The following SI variants were observed in gnomAD, a reference collection of about 807,000 sequenced individuals.
The protein encoded by SI is sucrase-isomaltase.
A neutral mutation model predicts 253.3 loss-of-function variants in SI; 235 were observed. The ratio of observed to expected loss-of-function variants is 0.93; its 90% CI spans 0.83 to 1.03. The LOEUF (loss-of-function observed/expected upper bound fraction) is 1.03, where lower values mean the gene tolerates loss of function less well. Ranked by LOEUF, SI falls within the 50% of genes least tolerant of loss-of-function variation. The pLI is 0.00. For missense variants in SI, 2,442 were observed against 2,211.1 expected, an observed-to-expected ratio of 1.10 and a Z score of -2.09; for synonymous variants, 819 against 712.0, an observed-to-expected ratio of 1.15 and a Z score of -2.39.
intron 40 of SI, among the ~76,000 whole-genome samples, chr3:164,995,874 A>C (rs994546426): frequency 4.0e-5 from 6 of 151,752 alleles, no homozygotes; most frequent in Non-Finnish European, 7.4e-5. Flanking sequence ...TTGAGCAAGG[A>C]CTTCGTAAAT....
intron 43 of SI, 139 bp from the exon 44 acceptor site, chr3:164,991,616 T>G: frequency 1.1e-6 from 1 of 933,968 alleles, no homozygotes; most frequent in South Asian, 1.5e-5. Flanking sequence ...CAGAAAATCT[T>G]AATTTGTTTC....
chr3:165,033,368 A>G (rs1323685661), intron 23 of SI, 27 bp downstream of exon 23: 2 of 1,534,152 alleles, frequency 1.3e-6, no homozygotes, highest in South Asian at 2.6e-5. Flanking sequence ...TTATGCATTT[A>G]AGTATATGTA....
intron 40 of SI, 24 bp from the exon 41 acceptor site, chr3:164,994,429 G>A: frequency 6.2e-7 from 1 of 1,607,568 alleles, no homozygotes; most frequent in Non-Finnish European, 8.5e-7. Context: ...AAATAACATA[G>A]TTATAAGCTT....
chr3:165,083,736 T>A, the SI span, among the ~76,000 whole-genome samples: 55 of 152,170 alleles, frequency 3.6e-4, 1 homozygote, highest in South Asian at 0.011. Flanking sequence ...ATCTATTACC[T>A]TCTTTGGCCT....
chr3:165,031,007 C>A, intron 24 of SI, 140 bp from the exon 25 acceptor site: 1 of 1,204,162 alleles, frequency 8.3e-7, no homozygotes, highest in Non-Finnish European at 1.1e-6. Context: ...GGCAATTCTT[C>A]AAATTAAATC....
intron 37 of SI, among the ~76,000 whole-genome samples, chr3:164,999,045 C>T (rs2108140135): frequency 6.6e-6 from 1 of 151,838 alleles, no homozygotes; most frequent in East Asian, 1.9e-4. Flanking sequence ...TTCATTGCCC[C>T]AACGCCTCTC....
At chr3:165,038,545 TA>T (rs1358023798) in intron 20 of SI, among the ~76,000 whole-genome samples, 22 of 95,988 alleles carry the variant, frequency 2.3e-4, no homozygotes, top group Non-Finnish European at 4.1e-4. Flanking sequence ...CCATCTCTAC[TA>T]AAAAAAAATT....
At position 165,021,375 on chromosome 3, in the gene SI, A is replaced by T; in HGVS notation, c.3108T>A (p.Asp1036Glu). 6.2e-7 allele frequency: 1 copy of T among 1,609,766 alleles called. No individual in the cohort carries two copies. Among genetic ancestry groups the T allele is most frequent in the Non-Finnish European group, 8.5e-7 (1 of 1,176,858 alleles). Residue 1036 changes from aspartate (D) to glutamate (E), a missense_variant, in exon 27 of 48, where the codon GAT becomes GAA. Asp to Glu is a conservative substitution (Grantham distance 45). Transcript: ENST00000264382. Reference sequence around the variant, plus strand: ...GTACTTCATATCTCTTCTTTTGGGGATCATAAATCTATTGCAGATAAGTAG... The same window carrying T: ...GTACTTCATATCTCTTCTTTTGGGGTTCATAAATCTATTGCAGATAAGTAG... ...KNDMLQFKIY[D>E]PQKKRYEVPV...
At chr3:165,053,135 A>T (rs896189649) in intron 13 of SI, among the ~76,000 whole-genome samples, 18 of 151,800 alleles carry the variant, frequency 1.2e-4, no homozygotes, top group Admixed American at 3.9e-4. Context: ...TAAGTACAGT[A>T]GGCTTTTGTT....
At chr3:164,999,274 A>G (rs950006623) in intron 37 of SI, among the ~76,000 whole-genome samples, 4 of 151,710 alleles carry the variant, frequency 2.6e-5, no homozygotes, top group Admixed American at 2.0e-4. Context: ...TTCCCTTCTC[A>G]GTCTTTGGAG....
Position 165,065,362 on chromosome 3 carries a change from C to G in SI, c.706G>C (p.Asp236His). The G allele has an allele frequency of 6.3e-7, 1 of 1,593,654 alleles. No homozygotes were observed. The highest frequency in any genetic ancestry group is 8.6e-7 in the Non-Finnish European group (1 of 1,163,826). ...YLQISTRLPS[D>H]YIYGIGEQVH... is the part of the protein sequence containing the mutation. ...TGTTCTCCAATACCATAAATATAAT[C>G]ACTTGGAAGACGGGTTGAGATCTGT... The change falls in exon 7 of 48, where the codon GAT becomes CAT. Residue 236 changes from aspartate to histidine, a missense_variant. Coordinates refer to ENST00000264382, the MANE Select transcript of SI (RefSeq NM_001041.4).
rs1007596882 is a variant in SI, at chr3:165,056,191, T to C, written c.1399-884A>G. Among the ~76,000 whole-genome samples, 6 of 152,272 alleles carry C rather than the reference T, an allele frequency of 3.9e-5. No homozygotes were observed. In the South Asian group the frequency reaches 1.2e-3, roughly 32 times the overall value. Reference sequence around the variant, plus strand: ...CTGTCCATAAGGAACAAAGCTGGTGTTAACATGTGTTCTGTGAAATGTTAA... The same window carrying C: ...CTGTCCATAAGGAACAAAGCTGGTGCTAACATGTGTTCTGTGAAATGTTAA... On this transcript the variant is annotated intron_variant, in intron 12 of 47. Transcript: ENST00000264382.
At chr3:165,082,024 C>T (rs1715346278), upstream of SI, among the ~76,000 whole-genome samples, 1 of 151,966 alleles carries the variant, frequency 6.6e-6, no homozygotes. Flanking sequence ...TAACATCACA[C>T]ATTTGCTAAT....
At chr3:164,995,077 C>T (rs112508030) in intron 40 of SI, among the ~76,000 whole-genome samples, 7,865 of 151,746 alleles carry the variant, frequency 0.052, 689 homozygotes, top group African/African-American at 0.18. Flanking sequence ...GTATTTTGAT[C>T]TGCACCAGGG....
At position 165,039,136 on chromosome 3, in the gene SI, TA is replaced by T; in HGVS notation, c.2245-3del. The T allele has an allele frequency of 6.4e-7, 1 of 1,567,870 alleles. No individual in the cohort carries two copies. The highest frequency in any genetic ancestry group is 8.8e-7 in the Non-Finnish European group (1 of 1,140,400). ...GTAGGCACTCACAGTATCTGCTCCC[TA>T]AAATAAAGATAATATGTATTTTTTA... is the stretch of plus-strand genomic sequence containing the variant. On this transcript the variant is annotated splice_region_variant and splice_polypyrimidine_tract_variant and intron_variant, in intron 19 of 47. Transcript: ENST00000264382.
At chr3:165,038,975 A>C in intron 20 of SI, 103 bp downstream of exon 20, 1 of 679,876 alleles carries the variant, frequency 1.5e-6, no homozygotes, top group East Asian at 2.8e-5. Context: ...AATTCTAAAA[A>C]TATGTATGCT....
At position 165,015,110 on chromosome 3, in the gene SI, A is replaced by T. The variant is rs779323187; in HGVS notation, c.3999+13T>A. On this transcript the variant is annotated intron_variant, in intron 33 of 47. Coordinates refer to ENST00000264382, the MANE Select transcript of SI (RefSeq NM_001041.4). ...TTTTGTATTTATTCTATTTCAAGAT[A>T]TCGATTTAGTACCTTTGCCCAACAA... is the stretch of plus-strand genomic sequence containing the variant. The T allele has an allele frequency of 6.4e-7, 1 of 1,564,968 alleles. No homozygotes were observed.
chr3:165,041,255 T>C (rs1005726498), intron 17 of SI, among the ~76,000 whole-genome samples, 161 bp from the exon 18 acceptor site: 9 of 152,158 alleles, frequency 5.9e-5, no homozygotes, highest in Non-Finnish European at 1.5e-5. Flanking sequence ...TCTGAATGAA[T>C]ATTTCTAGGT....
At chr3:165,089,630 T>G in the SI span, among the ~76,000 whole-genome samples, 1 of 152,126 alleles carries the variant, frequency 6.6e-6, no homozygotes, top group African/African-American at 2.4e-5. Flanking sequence ...AACAACTACT[T>G]AATATTTCAC....
Sources: gnomAD v4.1 joint callset for allele counts (sites outside exome capture counted in the v4.1 genomes callset) on GRCh38, gnomAD v4.1.1 for gene constraint, MANE v1.5 for transcripts, NCBI Gene and HGNC (gene_info 2026-07-23, HGNC 2026-07-21) for gene names.